Variants in CCDC7 observed in about 807,000 individuals in gnomAD.
The protein encoded by CCDC7 is coiled-coil domain containing 7.
A neutral mutation model predicts 196.9 loss-of-function variants in CCDC7; 183 were observed. The observed-to-expected ratio is 0.93, with a 90% confidence interval of 0.82 to 1.05. The LOEUF (loss-of-function observed/expected upper bound fraction) is 1.05, where lower values mean the gene tolerates loss of function less well. Among genes scored for constraint, CCDC7 ranks in the 50% least tolerant of loss-of-function variants. CCDC7 has a pLI of 0.00. For missense variants in CCDC7, 1,540 were observed against 1,482.2 expected, an observed-to-expected ratio of 1.04 and a Z score of -0.64; for synonymous variants, 525 against 484.6, an observed-to-expected ratio of 1.08 and a Z score of -1.10.
intron 20 of CCDC7, among the ~76,000 whole-genome samples, chr10:32,639,509 A>T (rs965660314): frequency 3.3e-5 from 5 of 152,070 alleles, no homozygotes; most frequent in Non-Finnish European, 7.4e-5. Flanking sequence ...CCCAGTAGTC[A>T]TTCAGGAGCA....
At chr10:32,527,377 C>T (rs960574061) in intron 11 of CCDC7, among the ~76,000 whole-genome samples, 2 of 152,028 alleles carry the variant, frequency 1.3e-5, no homozygotes, top group African/African-American at 4.8e-5. Flanking sequence ...CGAGGAACTG[C>T]GATTGCTCAC....
At chr10:32,581,786 C>T (rs2058751363) in intron 16 of CCDC7, among the ~76,000 whole-genome samples, 1 of 151,794 alleles carries the variant, frequency 6.6e-6, no homozygotes, top group East Asian at 1.9e-4. Flanking sequence ...TTAATGATGT[C>T]CCCTAATAAC....
At chr10:32,684,506 C>G (rs984058494) in intron 21 of CCDC7, among the ~76,000 whole-genome samples, 1 of 152,156 alleles carries the variant, frequency 6.6e-6, no homozygotes, top group African/African-American at 2.4e-5. Context: ...TGTGCCAATC[C>G]CAGGCAGGTT....
chr10:32,632,292 G>A (rs1221878096), intron 18 of CCDC7, among the ~76,000 whole-genome samples: 3 of 151,662 alleles, frequency 2.0e-5, no homozygotes, highest in Non-Finnish European at 4.4e-5. Flanking sequence ...TTTTCAGTTT[G>A]TTGAGTGTTT....
chr10:32,813,539 C>T (rs1179053996), intron 30 of CCDC7, among the ~76,000 whole-genome samples: 1 of 152,148 alleles, frequency 6.6e-6, no homozygotes, highest in Non-Finnish European at 1.5e-5. Flanking sequence ...AAATATTCCT[C>T]AATGAATCAA....
At chr10:32,755,984 A>G (rs1329885943) in intron 28 of CCDC7, among the ~76,000 whole-genome samples, 1 of 152,224 alleles carries the variant, frequency 6.6e-6, no homozygotes, top group East Asian at 1.9e-4. Flanking sequence ...AGCCAATTCA[A>G]TCAAGTGGAA....
intron 24 of CCDC7, among the ~76,000 whole-genome samples, chr10:32,701,401 C>G (rs1282584048): frequency 6.6e-6 from 1 of 152,184 alleles, no homozygotes; most frequent in Non-Finnish European, 1.5e-5. Flanking sequence ...TTCTGATGTG[C>G]TGCTGGATTC....
intron 3 of CCDC7, among the ~76,000 whole-genome samples, chr10:32,460,156 ATAAT>A (rs1324707014): frequency 2.6e-5 from 4 of 152,228 alleles, no homozygotes; most frequent in Non-Finnish European, 5.9e-5. Flanking sequence ...CTGTATATAA[ATAAT>A]TCATAAAGAG....
chr10:32,571,196 AG>A lies in CCDC7; in HGVS notation c.1420-658del, dbSNP rs1244098211. Among the ~76,000 whole-genome samples, 4 of 151,966 alleles carry A rather than the reference AG, an allele frequency of 2.6e-5. No homozygotes were observed. In the East Asian group the frequency reaches 7.8e-4, roughly 29 times the overall value. The stretch of plus-strand genomic sequence containing the variant: ...GCTAATTTTTGTATGTTTAGTAGAG[AG>A]GGGGTTTCACCATGTTGGCCATGGT... On this transcript the variant is annotated intron_variant, in intron 15 of 41. Coordinates refer to ENST00000639629, the Ensembl canonical transcript of CCDC7.
At chr10:32,771,602 A>G (rs2079167955) in intron 28 of CCDC7, among the ~76,000 whole-genome samples, 1 of 152,126 alleles carries the variant, frequency 6.6e-6, no homozygotes, top group African/African-American at 2.4e-5. Context: ...CAGGCTGCTG[A>G]TGGGGCATGT....
rs558961981 is a variant in CCDC7 at position 32,791,669 on chromosome 10, ACT to A, written c.3013+12588_3013+12589del. ...CCTTTCAGATAGGTCTTTTGAAATG[ACT>A]CTATCAGAGAAGAAAAAAAGAATGA... On this transcript the variant is annotated intron_variant, in intron 29 of 41. Transcript: ENST00000639629. Among the ~76,000 whole-genome samples the A allele has an allele frequency of 2.8e-3, 421 of 151,752 alleles. 1 individual carries two copies. Among genetic ancestry groups the A allele is most frequent in the African/African-American group, 9.6e-3 (397 of 41,332 alleles).
chr10:32,703,102 C>T (rs896409729), intron 24 of CCDC7, among the ~76,000 whole-genome samples: 3 of 152,176 alleles, frequency 2.0e-5, no homozygotes, highest in Non-Finnish European at 4.4e-5. Flanking sequence ...GCAGTTTCTT[C>T]CTAGCATTGA....
intron 28 of CCDC7, among the ~76,000 whole-genome samples, chr10:32,731,911 C>T (rs575130508): frequency 3.3e-5 from 5 of 152,106 alleles, no homozygotes; most frequent in South Asian, 2.1e-4. Context: ...AAATTAGCGG[C>T]GCATGGTGGC....
intron 9 of CCDC7, among the ~76,000 whole-genome samples, chr10:32,505,230 G>C (rs1485223323): frequency 6.6e-6 from 1 of 151,044 alleles, no homozygotes; most frequent in Non-Finnish European, 1.5e-5. Context: ...GGTGTTTCTC[G>C]GAGAGGGGGA....
In CCDC7 at chr10:32,729,460, A is replaced by C; in HGVS notation, c.2905+3A>C. The C allele has an allele frequency of 2.5e-6, 3 of 1,185,574 alleles. No homozygotes were observed. The highest frequency in any genetic ancestry group is 3.6e-6 in the Non-Finnish European group (3 of 836,672). 73.4% of individuals were successfully genotyped at this position (1,185,574 alleles called of 1,614,324 possible). On this transcript the variant is annotated splice_donor_region_variant and intron_variant, in intron 28 of 41. Transcript: ENST00000639629. ...AGCTAAAGTAACTTCAAGAAAAAGT[A>C]AGTAATTATTTATAAATCTTATAAA...
chr10:32,788,017 C>T (rs1032324756), intron 29 of CCDC7, among the ~76,000 whole-genome samples: 3 of 152,242 alleles, frequency 2.0e-5, no homozygotes, highest in African/African-American at 4.8e-5. Flanking sequence ...CCTTCAGGCC[C>T]ACCTCAGCAC....
At chr10:32,503,244 A>G (rs1467457840) in intron 9 of CCDC7, among the ~76,000 whole-genome samples, 2 of 151,162 alleles carry the variant, frequency 1.3e-5, no homozygotes, top group East Asian at 1.9e-4. Context: ...AAAGCTTTCA[A>G]CTTTTCACTG....
At chr10:32,502,422 G>T (rs963250058) in intron 9 of CCDC7, among the ~76,000 whole-genome samples, 12 of 151,992 alleles carry the variant, frequency 7.9e-5, no homozygotes, top group Non-Finnish European at 1.8e-4. Context: ...AGATGTACTG[G>T]GTACCTCAGT....
chr10:32,634,349 A>G, exon 19 of CCDC7: 1 of 1,133,514 alleles, frequency 8.8e-7, no homozygotes, highest in African/African-American at 1.6e-5. Flanking sequence ...AACTTCTAGT[A>G]TGGAAAGACA....
Sources: allele counts gnomAD v4.1 joint callset (sites outside exome capture counted in the v4.1 genomes callset), GRCh38; gene constraint gnomAD v4.1.1; transcripts MANE v1.5; gene names NCBI Gene and HGNC (gene_info 2026-07-23, HGNC 2026-07-21).